DHRS7: variants seen among roughly 807,000 people sequenced by gnomAD.
DHRS7 encodes dehydrogenase/reductase SDR family member 7.
Under a neutral mutation model 38.9 loss-of-function variants are expected in DHRS7, and 34 were observed. The ratio of observed to expected loss-of-function variants is 0.87; its 90% CI spans 0.66 to 1.16. The LOEUF is 1.16. Among genes scored for constraint, DHRS7 ranks in the 50% most tolerant of loss-of-function variants. DHRS7 has a pLI of 0.00. For missense variants in DHRS7, 421 were observed against 407.0 expected (o/e 1.03, Z -0.30); for synonymous variants, 158 against 153.1 (o/e 1.03, Z -0.24).
upstream of DHRS7, chr14:60,168,622 A>G: frequency 1.4e-6 from 2 of 1,466,772 alleles, no homozygotes; most frequent in Non-Finnish European, 1.8e-6. Context: ...AAAATATGCA[A>G]ATATTTTCTT....
upstream of DHRS7, chr14:60,165,487 G>A (rs924984537): frequency 1.5e-6 from 2 of 1,330,572 alleles, no homozygotes; most frequent in Non-Finnish European, 1.9e-6. The surrounding 1 kb of genome is among the most constrained non-coding windows in gnomAD (Gnocchi z 4.6). Context: ...CAGCACTCGC[G>A]GCCCCACTCG....
At chr14:60,160,424 A>G (rs906043011) in intron 1 of DHRS7, among the ~76,000 whole-genome samples, 1 of 151,860 alleles carries the variant, frequency 6.6e-6, no homozygotes, top group African/African-American at 2.4e-5. Flanking sequence ...TTAAAATAGA[A>G]AAGCTTAAGG....
intron 1 of DHRS7, among the ~76,000 whole-genome samples, chr14:60,159,505 G>A (rs886620002): frequency 6.6e-6 from 1 of 152,218 alleles, no homozygotes. Flanking sequence ...TGTGTATTAT[G>A]TTAGTCTATG....
Position 60,155,925 on chromosome 14 carries a change from A to G in DHRS7, c.286+75T>C, listed in dbSNP as rs560209418. Reference sequence around the variant, plus strand: ...CGGGGGGAAATCTCACTCCTCTCTAAAAGTCCCAAAACTGTATTTGAGTTT... The same window carrying G: ...CGGGGGGAAATCTCACTCCTCTCTAGAAGTCCCAAAACTGTATTTGAGTTT... On this transcript the variant is annotated intron_variant, in intron 2 of 6. Transcript: ENST00000557185. 157 of 1,336,674 alleles carry G rather than the reference A, an allele frequency of 1.2e-4. No individual in the cohort carries two copies. In the African/African-American group the frequency reaches 2.1e-3, roughly 18 times the overall value. The allele number at this position is 1,336,674 out of a possible 1,614,324, so 82.8% of individuals were successfully genotyped here. A position where few individuals can be genotyped will look rare whatever the true frequency, so the allele number is the denominator to read the frequency against.
chr14:60,160,146 C>T (rs1315522779), intron 1 of DHRS7, among the ~76,000 whole-genome samples: 4 of 151,718 alleles, frequency 2.6e-5, no homozygotes, highest in Admixed American at 6.6e-5. Flanking sequence ...GCCAACATGG[C>T]GAAACCCCAT....
chr14:60,163,545 AT>A (rs1896805273), intron 1 of DHRS7, among the ~76,000 whole-genome samples: 1 of 152,250 alleles, frequency 6.6e-6, no homozygotes, highest in African/African-American at 2.4e-5. Context: ...CTACATAATG[AT>A]AACAATGTAA....
At chr14:60,160,956 A>G (rs1878987078) in intron 1 of DHRS7, among the ~76,000 whole-genome samples, 1 of 152,190 alleles carries the variant, frequency 6.6e-6, no homozygotes, top group Non-Finnish European at 1.5e-5. Flanking sequence ...GTCTCAAGGT[A>G]TATTTCTACT....
chr14:60,165,344 A>C lies in DHRS7; in HGVS notation c.-35T>G. On this transcript the variant is annotated 5_prime_UTR_variant, in exon 1 of 7. Transcript: ENST00000557185. The surrounding 1 kb of genome is among the most constrained non-coding windows in gnomAD (Gnocchi z 4.6). ...GCACGCCCAGCTCGGGGGGAAGAAG[A>C]CGGCCCGCACCAGAGTCGCGTCGCT... is the stretch of plus-strand genomic sequence containing the variant. 1 of 1,552,092 alleles carries C rather than the reference A, an allele frequency of 6.4e-7. No homozygotes were observed.
At chr14:60,159,693 A>C (rs1467934737) in intron 1 of DHRS7, among the ~76,000 whole-genome samples, 1 of 152,220 alleles carries the variant, frequency 6.6e-6, no homozygotes, top group African/African-American at 2.4e-5. Flanking sequence ...CCAATCAGGT[A>C]CTGACTGCAC....
rs1359962395 is a variant in DHRS7 at position 60,162,789 on chromosome 14, C to T, written c.133+2388G>A. Among the ~76,000 whole-genome samples the T allele has an allele frequency of 3.3e-5, 5 of 152,116 alleles. No individual in the cohort carries two copies. The highest frequency in any genetic ancestry group is 1.2e-4 in the African/African-American group (5 of 41,416). ...AGACTTTTTTTTCCCCTAAAACTCT[C>T]CTGTGAAATGTTAATTCCACAGATA... On this transcript the variant is annotated intron_variant, in intron 1 of 6. Transcript: ENST00000557185. The surrounding 1 kb of genome is among the most constrained non-coding windows in gnomAD (Gnocchi z 4.5).
rs908744226 is a variant in DHRS7 at position 60,148,740 on chromosome 14, T to C, written c.972+613A>G. ...GAGGTGACATGGGAGTTGAGACTGG[T>C]AGGATGGGTAGGAGTTGGTGGGGAG... On this transcript the variant is annotated intron_variant, in intron 6 of 6. Coordinates refer to ENST00000557185, the MANE Select transcript of DHRS7 (RefSeq NM_016029.4). This position sits in a 1 kb window ranked among gnomAD's most constrained non-coding sequence, Gnocchi z 4.8. Among the ~76,000 whole-genome samples the C allele has an allele frequency of 9.9e-5, 15 of 151,932 alleles. 1 individual carries two copies. Among genetic ancestry groups the C allele is most frequent in the Admixed American group, 6.6e-4 (10 of 15,256 alleles).
Position 60,152,591 on chromosome 14 carries a change from A to G in DHRS7, c.633+348T>C. ...AGGAGAAGTGGACCCCCAATTTTCC[A>G]TGAAGATTTAGTAGGAATAAGGATA... On this transcript the variant is annotated intron_variant, in intron 4 of 6. Coordinates refer to ENST00000557185, the MANE Select transcript of DHRS7 (RefSeq NM_016029.4). 1.8e-5 allele frequency: 4 copies of G among 222,174 alleles called. No homozygotes were observed. In the South Asian group the frequency reaches 2.3e-4, roughly 13 times the overall value. The allele number at this position is 222,174 out of a possible 1,614,324, so 13.8% of individuals were successfully genotyped here.
chr14:60,155,076 T>C (rs1289786640), intron 2 of DHRS7, among the ~76,000 whole-genome samples: 1 of 151,956 alleles, frequency 6.6e-6, no homozygotes, highest in African/African-American at 2.4e-5. Flanking sequence ...TGTTGGAAAA[T>C]TCAAAATTAT....
At position 60,152,923 on chromosome 14, in the gene DHRS7, GT is replaced by G. The variant is rs1486200588; in HGVS notation, c.633+15del. 6.2e-7 allele frequency: 1 copy of G among 1,613,850 alleles called. No homozygotes were observed. The highest frequency in any genetic ancestry group is 8.5e-7 in the Non-Finnish European group (1 of 1,179,842). On this transcript the variant is annotated intron_variant, in intron 4 of 6. Coordinates refer to ENST00000557185, the MANE Select transcript of DHRS7 (RefSeq NM_016029.4). Reference sequence around the variant, plus strand: ...TTTAAGTCAGTTCTATCAGAGTTGAGTTTGAGCAGCCTTACCCGGAGAGCAT... The same window carrying G: ...TTTAAGTCAGTTCTATCAGAGTTGAGTTGAGCAGCCTTACCCGGAGAGCAT...
chr14:60,162,889 G>A lies in DHRS7; in HGVS notation c.133+2288C>T, dbSNP rs1896790769. 6.6e-6 allele frequency among the ~76,000 whole-genome samples: 1 copy of A among 152,110 alleles called. No individual in the cohort carries two copies. Among genetic ancestry groups the A allele is most frequent in the Non-Finnish European group, 1.5e-5 (1 of 68,012 alleles). On this transcript the variant is annotated intron_variant, in intron 1 of 6. Coordinates refer to ENST00000557185, the MANE Select transcript of DHRS7 (RefSeq NM_016029.4). The surrounding 1 kb of genome is among the most constrained non-coding windows in gnomAD (Gnocchi z 4.5). ...AAGGAGTTCTATAAAGTTTACTCCT[G>A]CCAGGCGCAGTGGCTAATGCCTGTA...
At chr14:60,164,263 G>GCCC (rs143150224) in intron 1 of DHRS7, among the ~76,000 whole-genome samples, 1 of 112,996 alleles carries the variant, frequency 8.8e-6, no homozygotes, top group African/African-American at 3.4e-5. Flanking sequence ...AACCCATAAC[G>GCCC]CCCCCCCCAA....
chr14:60,152,545 C>A, intron 4 of DHRS7: 1 of 198,732 alleles, frequency 5.0e-6, no homozygotes, highest in Non-Finnish European at 1.1e-5. Context: ...AAAAGTACAT[C>A]CTGAAGTGTA....
rs1040597123 is a variant in DHRS7 at position 60,161,911 on chromosome 14, G to A, written c.133+3266C>T. Among the ~76,000 whole-genome samples, 27 of 152,158 alleles carry A rather than the reference G, an allele frequency of 1.8e-4. No homozygotes were observed. The highest frequency in any genetic ancestry group is 6.0e-4 in the African/African-American group (25 of 41,436). On this transcript the variant is annotated intron_variant, in intron 1 of 6. Coordinates refer to ENST00000557185, the MANE Select transcript of DHRS7 (RefSeq NM_016029.4). The surrounding 1 kb of genome is among the most constrained non-coding windows in gnomAD (Gnocchi z 4.2). ...CTGAGGTCTACAAATGCAACCCAAG[G>A]TTGCCTGATCTTTTCTGGCAGCCAC...
rs61442682 is a variant in DHRS7, at chr14:60,153,702, C to CATAAATAAATAA, written c.393+245_393+256dup. Reference sequence around the variant, plus strand: ...CAGAGCAAGACTTTGTCTCAAAATACATAAATAAATAAATAAAAGCAGCCG... The same window carrying CATAAATAAATAA: ...CAGAGCAAGACTTTGTCTCAAAATACATAAATAAATAAATAAATAAATAAATAAAAGCAGCCG... On this transcript the variant is annotated intron_variant, in intron 3 of 6. Coordinates refer to ENST00000557185, the MANE Select transcript of DHRS7 (RefSeq NM_016029.4). This position sits in a 1 kb window ranked among gnomAD's most constrained non-coding sequence, Gnocchi z 4.4. Among the ~76,000 whole-genome samples, 1,613 of 151,504 alleles carry CATAAATAAATAA rather than the reference C, an allele frequency of 0.011. 19 individuals carry two copies. The highest frequency in any genetic ancestry group is 0.036 in the African/African-American group (1,478 of 41,064).
Sources: gnomAD v4.1 joint callset for allele counts (sites outside exome capture counted in the v4.1 genomes callset) on GRCh38, gnomAD v4.1.1 for gene constraint, Gnocchi (gnomAD v3.1) non-coding constraint, MANE v1.5 for transcripts, NCBI Gene and HGNC (gene_info 2026-07-23, HGNC 2026-07-21) for gene names.